The following ERI3 variants were observed in gnomAD, a reference collection of about 807,000 sequenced individuals.
ERI3 encodes ERI1 exoribonuclease family member 3, also known as ERI1 exoribonuclease 3.
A neutral mutation model predicts 44.4 loss-of-function variants in ERI3; 18 were observed. The observed-to-expected ratio is 0.41, with a 90% CI of 0.28 to 0.60. The LOEUF is 0.60. Ranked by LOEUF, ERI3 falls within the 20% of genes least tolerant of loss-of-function variation. ERI3 has a pLI of 0.36. For missense variants in ERI3, 294 were observed against 435.5 expected, an observed-to-expected ratio of 0.68 and a Z score of 2.89; for synonymous variants, 183 against 164.8, an observed-to-expected ratio of 1.11 and a Z score of -0.84.
chr1:44,247,833 T>G, intron 8 of ERI3, 106 bp downstream of exon 8: 5 of 770,758 alleles, frequency 6.5e-6, no homozygotes, highest in East Asian at 3.6e-5. Flanking sequence ...AGAGCCCTGT[T>G]GGGGCACTGA....
rs1644446031 is a variant in ERI3 at position 44,241,856 on chromosome 1, G to T, written c.931+6083C>A. ...CATACATACATACATACATACAGGA[G>T]AACCTTCTTCCATCCATCTGTCCAT... On this transcript the variant is annotated intron_variant, in intron 8 of 8. Transcript: ENST00000372257. The surrounding 1 kb of genome is among the most constrained non-coding windows in gnomAD (Gnocchi z 5.6). 1 of 484,124 alleles carries T rather than the reference G, an allele frequency of 2.1e-6. No homozygotes were observed. Among genetic ancestry groups the T allele is most frequent in the Non-Finnish European group, 2.6e-6 (1 of 381,696 alleles). 30.0% of individuals were successfully genotyped at this position (484,124 alleles called of 1,614,324 possible).
chr1:44,312,853 C>T (rs539499261), intron 5 of ERI3, among the ~76,000 whole-genome samples: 2 of 152,372 alleles, frequency 1.3e-5, no homozygotes, highest in African/African-American at 4.8e-5. Flanking sequence ...CTCAGCTCCC[C>T]TACTCCCCAG....
At chr1:44,282,579 G>C (rs956176346) in intron 7 of ERI3, among the ~76,000 whole-genome samples, 1 of 152,184 alleles carries the variant, frequency 6.6e-6, no homozygotes, top group African/African-American at 2.4e-5. Flanking sequence ...AGGTCAGAAA[G>C]AGTACCATGC....
intron 8 of ERI3, among the ~76,000 whole-genome samples, chr1:44,226,615 G>A (rs1644045174): frequency 6.6e-6 from 1 of 152,024 alleles, no homozygotes; most frequent in African/African-American, 2.4e-5. Flanking sequence ...GACAGCACAG[G>A]GGGAGCATCT....
intron 8 of ERI3, among the ~76,000 whole-genome samples, chr1:44,233,531 G>A (rs1377750442): frequency 1.3e-5 from 2 of 151,890 alleles, no homozygotes; most frequent in African/African-American, 4.8e-5. Flanking sequence ...AGCCTCCAGA[G>A]TAGCTGGGAC....
At chr1:44,225,554 T>C (rs2154315079) in intron 8 of ERI3, among the ~76,000 whole-genome samples, 1 of 152,286 alleles carries the variant, frequency 6.6e-6, no homozygotes, top group East Asian at 1.9e-4. Context: ...GACCATAATG[T>C]GAGGAGTGCA....
intron 7 of ERI3, among the ~76,000 whole-genome samples, chr1:44,264,962 T>C (rs1326498954): frequency 7.2e-5 from 11 of 152,206 alleles, no homozygotes; most frequent in Non-Finnish European, 1.5e-4. Flanking sequence ...AGCTGGTTCA[T>C]ATGGGCTACT....
intron 2 of ERI3, among the ~76,000 whole-genome samples, 156 bp from the exon 3 acceptor site, chr1:44,339,478 G>C (rs1646608075): frequency 6.6e-6 from 1 of 151,664 alleles, no homozygotes; most frequent in Non-Finnish European, 1.5e-5. Flanking sequence ...AGTGTTTCTG[G>C]GCCCCTTTTC....
chr1:44,230,317 CT>C (rs1346395234), intron 8 of ERI3: 1 of 152,208 alleles, frequency 6.6e-6, no homozygotes, highest in Non-Finnish European at 1.5e-5. Flanking sequence ...GAAGCCTCAC[CT>C]TTCTCCTGGT....
chr1:44,309,638 C>T (rs1397047882), intron 5 of ERI3, among the ~76,000 whole-genome samples: 1 of 151,932 alleles, frequency 6.6e-6, no homozygotes, highest in Non-Finnish European at 1.5e-5. Context: ...GATCTTGGCT[C>T]ACTGCAAGCT....
At chr1:44,283,925 G>A (rs1232497229) in intron 7 of ERI3, 16 of 453,316 alleles carry the variant, frequency 3.5e-5, no homozygotes, top group African/African-American at 1.6e-4. Flanking sequence ...TCAAATCCTC[G>A]CCATACCTAG....
intron 3 of ERI3, among the ~76,000 whole-genome samples, chr1:44,326,602 T>C (rs1646319242): frequency 6.6e-6 from 1 of 152,218 alleles, no homozygotes; most frequent in Non-Finnish European, 1.5e-5. Context: ...ACCCGTCGAT[T>C]TGTCCGGACT....
At chr1:44,338,808 G>A (rs11210984) in intron 3 of ERI3, among the ~76,000 whole-genome samples, 45,856 of 151,940 alleles carry the variant, frequency 0.3, 7,898 homozygotes, top group East Asian at 0.5. Flanking sequence ...GAAATATTTT[G>A]ATTCCCAAAA....
chr1:44,289,888 A>G (rs913490979), intron 6 of ERI3, among the ~76,000 whole-genome samples: 3 of 152,348 alleles, frequency 2.0e-5, no homozygotes, highest in African/African-American at 7.2e-5. Context: ...CTGCACATCC[A>G]TTGAGGTCTG....
At chr1:44,277,572 T>C (rs1236818561) in intron 7 of ERI3, among the ~76,000 whole-genome samples, 1 of 152,236 alleles carries the variant, frequency 6.6e-6, no homozygotes, top group Non-Finnish European at 1.5e-5. Flanking sequence ...CCAAGGTCAC[T>C]GAGGCCCTTG....
intron 5 of ERI3, among the ~76,000 whole-genome samples, chr1:44,310,625 T>C (rs965184975): frequency 1.3e-5 from 2 of 152,116 alleles, no homozygotes; most frequent in African/African-American, 4.8e-5. Flanking sequence ...TCTTTAAGTA[T>C]CTTAAGTAAG....
intron 1 of ERI3, chr1:44,354,008 G>C: frequency 1.0e-6 from 1 of 985,316 alleles, no homozygotes. Flanking sequence ...AGGAGATTCA[G>C]GTATAATAAA....
chr1:44,273,511 G>GC (rs954101431), intron 7 of ERI3, among the ~76,000 whole-genome samples: 20 of 152,222 alleles, frequency 1.3e-4, no homozygotes, highest in African/African-American at 4.8e-4. Flanking sequence ...CATCAGTCTA[G>GC]CCCAAGATTC....
intron 6 of ERI3, 134 bp downstream of exon 6, chr1:44,308,176 T>C: frequency 1.4e-6 from 1 of 710,538 alleles, no homozygotes. Flanking sequence ...CCAACCGTCT[T>C]CTATCCCTGA....
Sources: gnomAD v4.1 joint callset for allele counts (sites outside exome capture counted in the v4.1 genomes callset) on GRCh38, gnomAD v4.1.1 for gene constraint, Gnocchi (gnomAD v3.1) non-coding constraint, MANE v1.5 for transcripts, NCBI Gene and HGNC (gene_info 2026-07-23, HGNC 2026-07-21) for gene names.